GPC6: variants seen among roughly 807,000 people sequenced by gnomAD.
GPC6 encodes glypican-6.
GPC6 carries 14 observed loss-of-function variants against 55.2 expected under a neutral mutation model. That is an observed-to-expected ratio of 0.25 (90% CI 0.17 to 0.40). The LOEUF is 0.40. Among genes scored for constraint, GPC6 ranks in the 10% least tolerant of loss-of-function variants. GPC6 has a pLI of 1.00. For synonymous variants in GPC6, 278 were observed against 259.6 expected, an observed-to-expected ratio of 1.07 and a Z score of -0.68; for missense variants, 641 against 708.5, an observed-to-expected ratio of 0.90 and a Z score of 1.08.
At chr13:94,043,097 C>G (rs561464069) in intron 4 of GPC6, among the ~76,000 whole-genome samples, 1 of 151,836 alleles carries the variant, frequency 6.6e-6, no homozygotes, top group South Asian at 2.1e-4. Flanking sequence ...ATTTTTGAAG[C>G]AATTTCTCAT....
chr13:93,484,172 T>C (rs760142882), intron 1 of GPC6, among the ~76,000 whole-genome samples: 13 of 152,190 alleles, frequency 8.5e-5, no homozygotes, highest in Non-Finnish European at 1.3e-4. Context: ...TTTTTTGGGT[T>C]ATTCTCTCAC....
At chr13:94,359,887 T>C (rs767763861) in intron 6 of GPC6, among the ~76,000 whole-genome samples, 13 of 152,224 alleles carry the variant, frequency 8.5e-5, no homozygotes, top group Non-Finnish European at 1.8e-4. Context: ...TACAATGTAA[T>C]AGGAAAATGC....
In GPC6 at chr13:94,372,911, C is replaced by T. The variant is rs1052518499; in HGVS notation, c.1153-9503C>T. Reference sequence around the variant, plus strand: ...CCTCAAGTGGGTCCCTGACCCCTGACCCCCAAGCAGCCTAACTGGGAGGCA... The same window carrying T: ...CCTCAAGTGGGTCCCTGACCCCTGATCCCCAAGCAGCCTAACTGGGAGGCA... On this transcript the variant is annotated intron_variant, in intron 6 of 8. Transcript: ENST00000377047. Among the ~76,000 whole-genome samples the T allele has an allele frequency of 7.9e-5, 12 of 152,170 alleles. 1 individual carries two copies. Among genetic ancestry groups the T allele is most frequent in the Non-Finnish European group, 1.5e-4 (10 of 68,022 alleles).
At chr13:94,102,513 T>C (rs1387729838) in intron 4 of GPC6, among the ~76,000 whole-genome samples, 2 of 151,990 alleles carry the variant, frequency 1.3e-5, no homozygotes, top group Non-Finnish European at 2.9e-5. Context: ...CTTTTTTTTT[T>C]TTTAATTTCA....
At chr13:93,604,286 A>C (rs1458444849) in intron 2 of GPC6, among the ~76,000 whole-genome samples, 1 of 152,236 alleles carries the variant, frequency 6.6e-6, no homozygotes, top group Admixed American at 6.5e-5. Flanking sequence ...TACGTGACTG[A>C]GCATTCATTT....
At chr13:93,637,130 G>A (rs1171655493) in intron 2 of GPC6, among the ~76,000 whole-genome samples, 1 of 152,074 alleles carries the variant, frequency 6.6e-6, no homozygotes, top group Non-Finnish European at 1.5e-5. Flanking sequence ...AATGATCAAT[G>A]CTAACATTCT....
At chr13:94,061,677 A>G (rs1884329538) in intron 4 of GPC6, among the ~76,000 whole-genome samples, 2 of 151,754 alleles carry the variant, frequency 1.3e-5, no homozygotes, top group African/African-American at 4.8e-5. Flanking sequence ...GGGAGGTGAA[A>G]TCTTTCAGAT....
At chr13:94,297,699 T>C (rs898203968) in intron 5 of GPC6, among the ~76,000 whole-genome samples, 7 of 152,192 alleles carry the variant, frequency 4.6e-5, no homozygotes, top group Admixed American at 4.6e-4. Flanking sequence ...TTTTTAAACC[T>C]TAAAACTGAC....
At chr13:94,397,782 G>T in intron 7 of GPC6, among the ~76,000 whole-genome samples, 1 of 152,178 alleles carries the variant, frequency 6.6e-6, no homozygotes, top group African/African-American at 2.4e-5. Flanking sequence ...ATGGAGGGAG[G>T]AAAGAGTCAT....
At chr13:93,392,505 C>G (rs1875669658) in intron 1 of GPC6, among the ~76,000 whole-genome samples, 1 of 152,286 alleles carries the variant, frequency 6.6e-6, no homozygotes, top group East Asian at 1.9e-4. Context: ...TCCTAATTTG[C>G]AGAAATACCC....
At chr13:94,182,378 G>A (rs1385009237) in intron 4 of GPC6, among the ~76,000 whole-genome samples, 1 of 152,192 alleles carries the variant, frequency 6.6e-6, no homozygotes, top group Admixed American at 6.5e-5. Context: ...CAGGTGTTGG[G>A]ACTATAGGAT....
At chr13:94,260,011 G>A (rs1403640438) in intron 4 of GPC6, among the ~76,000 whole-genome samples, 2 of 152,222 alleles carry the variant, frequency 1.3e-5, no homozygotes, top group South Asian at 2.1e-4. Flanking sequence ...TGGGTATATA[G>A]TATCTACTTA....
intron 1 of GPC6, among the ~76,000 whole-genome samples, chr13:93,287,174 C>A (rs1191874188): frequency 6.6e-6 from 1 of 152,096 alleles, no homozygotes; most frequent in Non-Finnish European, 1.5e-5. Flanking sequence ...CTTGGGTCCA[C>A]ATTCTGGTCC....
At chr13:94,260,827 G>T (rs1224938350) in intron 4 of GPC6, among the ~76,000 whole-genome samples, 1 of 152,146 alleles carries the variant, frequency 6.6e-6, no homozygotes, top group African/African-American at 2.4e-5. Flanking sequence ...TGGAGGCTGG[G>T]TTGAAGGGAG....
At chr13:93,482,969 T>C (rs889183591) in intron 1 of GPC6, among the ~76,000 whole-genome samples, 11 of 152,222 alleles carry the variant, frequency 7.2e-5, no homozygotes, top group Middle Eastern at 3.4e-3. Flanking sequence ...GCATAGCTGG[T>C]TTTCCTTAGG....
chr13:93,925,994 G>C (rs903939580), intron 3 of GPC6, among the ~76,000 whole-genome samples: 2 of 152,154 alleles, frequency 1.3e-5, no homozygotes, highest in African/African-American at 2.4e-5. Context: ...TAGCCTCATC[G>C]TGTGGGTATC....
At chr13:94,157,291 A>G (rs774254801) in intron 4 of GPC6, among the ~76,000 whole-genome samples, 11 of 152,192 alleles carry the variant, frequency 7.2e-5, no homozygotes, top group Non-Finnish European at 1.2e-4. Flanking sequence ...TCCTCAAGCC[A>G]TTTATTTTCT....
intron 3 of GPC6, among the ~76,000 whole-genome samples, chr13:93,845,111 T>C (rs1888120236): frequency 6.6e-6 from 1 of 152,028 alleles, no homozygotes; most frequent in Admixed American, 6.6e-5. Context: ...TGGCTTAGGA[T>C]TGACTTGGCG....
chr13:94,241,296 A>G (rs138715594), intron 4 of GPC6, among the ~76,000 whole-genome samples: 207 of 152,248 alleles, frequency 1.4e-3, no homozygotes, highest in African/African-American at 3.2e-3. Context: ...ACTTTATGGT[A>G]TTCTATTCTA....
Sources: gnomAD v4.1 joint callset for allele counts (sites outside exome capture counted in the v4.1 genomes callset) on GRCh38, gnomAD v4.1.1 for gene constraint, MANE v1.5 for transcripts, NCBI Gene and HGNC (gene_info 2026-07-23, HGNC 2026-07-21) for gene names.